Variants in SMYD3 observed in about 807,000 individuals in gnomAD.
The protein encoded by SMYD3 is SET and MYND domain containing 3.
A neutral mutation model predicts 57.7 loss-of-function variants in SMYD3; 36 were observed. The observed-to-expected ratio is 0.62, with a 90% CI of 0.48 to 0.82. SMYD3 has a LOEUF of 0.82. SMYD3 is among the 40% of genes least tolerant of loss of function. SMYD3 has a pLI of 0.00. For synonymous variants in SMYD3, 211 were observed against 195.0 expected (o/e 1.08, Z -0.68); for missense variants, 515 against 538.8 (o/e 0.96, Z 0.44).
At chr1:246,141,432 G>T (rs976018616) in intron 5 of SMYD3, among the ~76,000 whole-genome samples, 1 of 151,866 alleles carries the variant, frequency 6.6e-6, no homozygotes, top group African/African-American at 2.4e-5. Flanking sequence ...TCATTTGTAC[G>T]GATATTCAAA....
intron 5 of SMYD3, among the ~76,000 whole-genome samples, chr1:246,277,480 C>G (rs191085347): frequency 2.0e-5 from 3 of 152,280 alleles, no homozygotes; most frequent in Admixed American, 2.0e-4. Context: ...CCACCACCAA[C>G]AACAACAACA....
intron 5 of SMYD3, among the ~76,000 whole-genome samples, chr1:246,283,108 A>T (rs140523649): frequency 3.3e-4 from 51 of 152,300 alleles, no homozygotes; most frequent in African/African-American, 8.7e-4. Context: ...AAAATCTAAA[A>T]CTTACTGAGG....
intron 5 of SMYD3, among the ~76,000 whole-genome samples, chr1:246,057,480 G>A (rs2060171991): frequency 6.6e-6 from 1 of 152,144 alleles, no homozygotes; most frequent in Admixed American, 6.5e-5. Context: ...GGATACAGAT[G>A]GCAAATACGC....
At chr1:245,844,605 C>CTTTTTTTTTTTTT (rs34767057) in intron 10 of SMYD3, among the ~76,000 whole-genome samples, 1 of 147,758 alleles carries the variant, frequency 6.8e-6, no homozygotes, top group Non-Finnish European at 1.5e-5. Context: ...TCCTTGGTTT[C>CTTTTTTTTTTTTT]TTTTTTTTTT....
At chr1:246,043,676 A>G (rs7533411) in intron 5 of SMYD3, among the ~76,000 whole-genome samples, 70,580 of 152,012 alleles carry the variant, frequency 0.46, 17,824 homozygotes, top group East Asian at 0.8. Flanking sequence ...TTACCTTTAA[A>G]ATGTGATTAA....
At chr1:246,335,951 C>A (rs2065536876) in intron 2 of SMYD3, among the ~76,000 whole-genome samples, 1 of 152,156 alleles carries the variant, frequency 6.6e-6, no homozygotes, top group Admixed American at 6.5e-5. Context: ...AACACACCCC[C>A]AAATATAAAA....
intron 5 of SMYD3, among the ~76,000 whole-genome samples, chr1:246,024,325 A>G (rs1225067105): frequency 1.3e-5 from 2 of 152,096 alleles, no homozygotes; most frequent in South Asian, 2.1e-4. Flanking sequence ...AGATACAGGA[A>G]GTGGACAGCA....
At chr1:246,125,083 A>ACACACACACACAC (rs770348655) in intron 5 of SMYD3, among the ~76,000 whole-genome samples, 4 of 109,542 alleles carry the variant, frequency 3.7e-5, no homozygotes, top group African/African-American at 1.1e-4. Context: ...AAAAAAAAAA[A>ACACACACACACAC]AAAAACACAC....
At chr1:246,118,334 C>A (rs1242038233) in intron 5 of SMYD3, among the ~76,000 whole-genome samples, 3 of 152,040 alleles carry the variant, frequency 2.0e-5, no homozygotes. Flanking sequence ...AGAAAGTGCA[C>A]CAAATACTGA....
At chr1:245,781,760 A>G (rs1447841911) in intron 10 of SMYD3, among the ~76,000 whole-genome samples, 2 of 152,116 alleles carry the variant, frequency 1.3e-5, no homozygotes, top group Non-Finnish European at 2.9e-5. Context: ...CACTGGGGTC[A>G]GGAGGTGGAG....
chr1:246,118,580 G>A (rs968575985), intron 5 of SMYD3, among the ~76,000 whole-genome samples: 5 of 152,306 alleles, frequency 3.3e-5, no homozygotes, highest in Admixed American at 6.5e-5. Context: ...TGGCGTGTTC[G>A]TTTCTGCTGG....
At chr1:246,451,894 G>GT (rs2067638624) in intron 1 of SMYD3, among the ~76,000 whole-genome samples, 2 of 152,026 alleles carry the variant, frequency 1.3e-5, no homozygotes, top group Admixed American at 1.3e-4. Context: ...AAAATATACT[G>GT]TTTTTTTAAA....
rs9661574 is a variant in SMYD3, at chr1:245,848,774, G to A, written c.1076+9722C>T. Among the ~76,000 whole-genome samples the A allele has an allele frequency of 9.2e-5, 14 of 152,114 alleles. 1 individual carries two copies. In the South Asian group the frequency reaches 2.5e-3, roughly 27 times the overall value. ...GGCTCAAGAGCCAAGCAAGGTAGACGGGGAATAAGTGGGGTTGGTCCACAG... is the reference window on the plus strand; with the variant it reads ...GGCTCAAGAGCCAAGCAAGGTAGACAGGGAATAAGTGGGGTTGGTCCACAG... On this transcript the variant is annotated intron_variant, in intron 10 of 11. Coordinates refer to ENST00000490107, the MANE Select transcript of SMYD3 (RefSeq NM_001167740.2).
At chr1:246,265,094 G>A (rs2064079313) in intron 5 of SMYD3, among the ~76,000 whole-genome samples, 1 of 152,166 alleles carries the variant, frequency 6.6e-6, no homozygotes, top group South Asian at 2.1e-4. Flanking sequence ...CTCTTGCACT[G>A]TTCTTTATTG....
chr1:246,181,596 A>G (rs2062551842), intron 5 of SMYD3, among the ~76,000 whole-genome samples: 1 of 152,266 alleles, frequency 6.6e-6, no homozygotes, highest in African/African-American at 2.4e-5. Context: ...AAATGTCAGA[A>G]TACCCCATAG....
chr1:246,038,955 A>G (rs1449228787), intron 5 of SMYD3, among the ~76,000 whole-genome samples: 1 of 152,240 alleles, frequency 6.6e-6, no homozygotes, highest in Non-Finnish European at 1.5e-5. Flanking sequence ...TTCAGGAAAA[A>G]AACACTGGGG....
At chr1:245,913,219 G>A (rs576632532) in intron 8 of SMYD3, among the ~76,000 whole-genome samples, 1 of 152,136 alleles carries the variant, frequency 6.6e-6, no homozygotes, top group South Asian at 2.1e-4. Context: ...GTAGGGACAT[G>A]GATGAAGCTG....
chr1:246,174,302 C>G (rs1267923507), intron 5 of SMYD3, among the ~76,000 whole-genome samples: 1 of 152,124 alleles, frequency 6.6e-6, no homozygotes, highest in Non-Finnish European at 1.5e-5. Flanking sequence ...ACCACAAACA[C>G]GAGTAATGTG....
At chr1:246,187,856 G>C (rs754082264) in intron 5 of SMYD3, among the ~76,000 whole-genome samples, 1 of 152,086 alleles carries the variant, frequency 6.6e-6, no homozygotes, top group Non-Finnish European at 1.5e-5. Flanking sequence ...TTAGTTTCAT[G>C]TGAGCACTTG....
Sources: gnomAD v4.1 joint callset for allele counts (sites outside exome capture counted in the v4.1 genomes callset) on GRCh38, gnomAD v4.1.1 for gene constraint, MANE v1.5 for transcripts, NCBI Gene and HGNC (gene_info 2026-07-23, HGNC 2026-07-21) for gene names.